FIGNL2: variants seen among roughly 807,000 people sequenced by gnomAD.
FIGNL2 encodes the protein fidgetin like 2, also known as fidgetin-like protein 2.
For synonymous variants in FIGNL2, 565 were observed against 484.0 expected (o/e 1.17, Z -2.20); for missense variants, 1,060 against 950.2 (o/e 1.12, Z -1.52).
Position 51,821,790 on chromosome 12 carries a change from C to A in FIGNL2, c.624G>T (p.Gly208=). ...CATAGCCGGGCTGCGCTGCGTAGCC[C>A]CCTGCGGGATAGTTGTACAGCGGCG... ...PSAPLYNYPA[G]GYAAQPGYGA... The change falls in exon 2 of 2, where the codon GGG becomes GGT. Residue 208 remains glycine (G), a synonymous_variant. Coordinates refer to ENST00000618634, the MANE Select transcript of FIGNL2 (RefSeq NM_001384995.1). 1 of 1,276,910 alleles carries A rather than the reference C, an allele frequency of 7.8e-7. No individual in the cohort carries two copies. Among genetic ancestry groups the A allele is most frequent in the Non-Finnish European group, 9.8e-7 (1 of 1,017,594 alleles). The allele number at this position is 1,276,910 out of a possible 1,614,324, so 79.1% of individuals were successfully genotyped here. A position where few individuals can be genotyped will look rare whatever the true frequency, so the allele number is the denominator to read the frequency against.
At chr12:51,827,799 T>C (rs1022947062) in intron 1 of FIGNL2, among the ~76,000 whole-genome samples, 1 of 152,192 alleles carries the variant, frequency 6.6e-6, no homozygotes, top group African/African-American at 2.4e-5. Context: ...AAGCACTGTG[T>C]ACAGAACCAG....
intron 1 of FIGNL2, chr12:51,848,270 G>A (rs1939795377): frequency 2.0e-6 from 2 of 985,030 alleles, no homozygotes; most frequent in Non-Finnish European, 2.4e-6. Flanking sequence ...CGCACCAGAG[G>A]GGGCTGCGAG....
chr12:51,827,001 TGCTTCCTGACAGACCCAG>T (rs1407611873), intron 1 of FIGNL2, among the ~76,000 whole-genome samples: 1 of 152,260 alleles, frequency 6.6e-6, no homozygotes, highest in Non-Finnish European at 1.5e-5. Context: ...CTCACTTAGA[TGCTTCCTGACAGACCCAG>T]GCCTGCCAGG....
At chr12:51,832,606 C>T (rs1031401931) in intron 1 of FIGNL2, among the ~76,000 whole-genome samples, 1 of 152,014 alleles carries the variant, frequency 6.6e-6, no homozygotes, top group African/African-American at 2.4e-5. Flanking sequence ...CCTTCTAAAC[C>T]CTGCAGACCT....
At chr12:51,843,190 C>T (rs1282210796) in intron 1 of FIGNL2, among the ~76,000 whole-genome samples, 1 of 151,904 alleles carries the variant, frequency 6.6e-6, no homozygotes, top group Non-Finnish European at 1.5e-5. Context: ...AGCTGAGGTT[C>T]ACCCAGAGCC....
At position 51,821,030 on chromosome 12, in the gene FIGNL2, C is replaced by T; in HGVS notation, c.1384G>A (p.Ala462Thr). Residue 462 changes from alanine (A) to threonine (T), a missense_variant, in exon 2 of 2, where the codon GCT becomes ACT. Ala to Thr is a moderately conservative substitution (Grantham distance 58, BLOSUM62 0). Coordinates refer to ENST00000618634, the MANE Select transcript of FIGNL2 (RefSeq NM_001384995.1). ...GCGCCCTCGGCGGCGCCGGGCGCAG[C>T]CAGGGTCGCGCCGCGCAGGCGCAAC... ...TLLRLRGATL[A>T]APGAAEGARL... The T allele has an allele frequency of 2.5e-6, 3 of 1,181,082 alleles. No homozygotes were observed. Among genetic ancestry groups the T allele is most frequent in the Non-Finnish European group, 3.1e-6 (3 of 957,378 alleles). The allele number at this position is 1,181,082 out of a possible 1,614,324, so 73.2% of individuals were successfully genotyped here.
Position 51,820,912 on chromosome 12 carries a change from T to G in FIGNL2, c.1502A>C (p.Asp501Ala). Residue 501 changes from aspartate (D) to alanine (A), a missense_variant, in exon 2 of 2, where the codon GAC (aspartate) becomes GCC (alanine). By Grantham distance (126) the Asp-to-Ala change is moderately radical. Coordinates refer to ENST00000618634, the MANE Select transcript of FIGNL2 (RefSeq NM_001384995.1). The stretch of plus-strand genomic sequence containing the variant: ...CGCGCCCCCTGCCGCCGCGCCGTCG[T>G]CCCGGGCGGGGAGCAGCGCCTCTAG... Reference protein sequence around the residue: ...SELEALLPARDDGAAAGGALQ... With the variant: ...SELEALLPARADGAAAGGALQ... 2.3e-6 allele frequency: 3 copies of G among 1,331,048 alleles called. No individual in the cohort carries two copies. The South Asian group carries it at 6.2e-5, about 27-fold the overall frequency. The allele number at this position is 1,331,048 out of a possible 1,614,324, so 82.5% of individuals were successfully genotyped here.
At chr12:51,847,806 G>A in intron 1 of FIGNL2, 1 of 985,314 alleles carries the variant, frequency 1.0e-6, no homozygotes, top group Non-Finnish European at 1.2e-6. Flanking sequence ...TAGAACAGGA[G>A]AGGGCTCTTG....
At chr12:51,829,060 G>T (rs955650240) in intron 1 of FIGNL2, among the ~76,000 whole-genome samples, 1 of 152,206 alleles carries the variant, frequency 6.6e-6, no homozygotes, top group Non-Finnish European at 1.5e-5. Flanking sequence ...CTGGGCTGGG[G>T]GCAGGGTAGG....
In FIGNL2 at chr12:51,821,166, G is replaced by A; in HGVS notation, c.1248C>T (p.Pro416=). ...EELVWPLLRP[P]AYPGSLRPPR... is the part of the protein sequence containing the mutation. The stretch of plus-strand genomic sequence containing the variant: ...GCGGGCGCAGGCTGCCCGGGTAGGC[G>A]GGCGGCCTGAGCAGGGGCCACACCA... The change falls in exon 2 of 2, where the codon CCC becomes CCT. Residue 416 remains proline (P), a synonymous_variant. Transcript: ENST00000618634. 6.8e-7 allele frequency: 1 copy of A among 1,478,504 alleles called. No homozygotes were observed. The highest frequency in any genetic ancestry group is 8.9e-7 in the Non-Finnish European group (1 of 1,125,208). The allele number at this position is 1,478,504 out of a possible 1,614,324, so 91.6% of individuals were successfully genotyped here.
chr12:51,820,276 C>T lies in FIGNL2; in HGVS notation c.*176G>A. On this transcript the variant is annotated 3_prime_UTR_variant, in exon 2 of 2. Coordinates refer to ENST00000618634, the MANE Select transcript of FIGNL2 (RefSeq NM_001384995.1). ...CACGGCGCATATGGCATCTGCCTGG[C>T]AGAAGCATTTTCCTTCCCACGAAAA... is the stretch of plus-strand genomic sequence containing the variant. 3.6e-6 allele frequency: 3 copies of T among 829,084 alleles called. No individual in the cohort carries two copies. The highest frequency in any genetic ancestry group is 5.4e-6 in the Non-Finnish European group (3 of 554,002). The allele number at this position is 829,084 out of a possible 1,614,324, so 51.4% of individuals were successfully genotyped here.
Position 51,820,603 on chromosome 12 carries a change from T to G in FIGNL2, c.1811A>C (p.Gln604Pro). 6.6e-7 allele frequency: 1 copy of G among 1,525,614 alleles called. No homozygotes were observed. The highest frequency in any genetic ancestry group is 1.2e-5 in the South Asian group (1 of 83,630). The allele number at this position is 1,525,614 out of a possible 1,614,324, so 94.5% of individuals were successfully genotyped here. A position where few individuals can be genotyped will look rare whatever the true frequency, so the allele number is the denominator to read the frequency against. The change falls in exon 2 of 2, where the codon CAG becomes CCG. Residue 604 changes from glutamine (Q) to proline (P), a missense_variant. Coordinates refer to ENST00000618634, the MANE Select transcript of FIGNL2 (RefSeq NM_001384995.1). ...SGGELGQLCQQAAAGAGLPGL... is the reference protein window; with the variant it reads ...SGGELGQLCQPAAAGAGLPGL... The stretch of plus-strand genomic sequence containing the variant: ...CGGGAGGCCCGCCCCGGCCGCCGCC[T>G]GCTGGCACAGCTGCCCCAGCTCGCC...
rs992221165 is a variant in FIGNL2, at chr12:51,819,174, G to C, written c.*1278C>G. On this transcript the variant is annotated 3_prime_UTR_variant, in exon 2 of 2. Transcript: ENST00000618634. The stretch of plus-strand genomic sequence containing the variant: ...AGGGCCAGGGGACATGACCTTTCTG[G>C]AGACTTTCTGCTTAGGTCACCTTCC... 2.6e-5 allele frequency: 4 copies of C among 152,284 alleles called. No homozygotes were observed. Among genetic ancestry groups the C allele is most frequent in the African/African-American group, 9.6e-5 (4 of 41,462 alleles). 9.4% of individuals were successfully genotyped at this position (152,284 alleles called of 1,614,324 possible). A position where few individuals can be genotyped will look rare whatever the true frequency, so the allele number is the denominator to read the frequency against.
chr12:51,836,197 G>A (rs1939576019), intron 1 of FIGNL2, among the ~76,000 whole-genome samples: 1 of 152,142 alleles, frequency 6.6e-6, no homozygotes, highest in Non-Finnish European at 1.5e-5. Context: ...GGATGGGCTA[G>A]CTGAGTCAAC....
At chr12:51,830,246 G>A (rs1278750321) in intron 1 of FIGNL2, among the ~76,000 whole-genome samples, 4 of 150,492 alleles carry the variant, frequency 2.7e-5, no homozygotes, top group African/African-American at 7.3e-5. Flanking sequence ...CTGAGATCGC[G>A]CCACTGCACT....
chr12:51,838,499 C>G (rs770529426), intron 1 of FIGNL2, among the ~76,000 whole-genome samples: 7 of 152,198 alleles, frequency 4.6e-5, no homozygotes, highest in Admixed American at 1.3e-4. Flanking sequence ...TGAGCCCACT[C>G]TAGCCAGCCC....
At chr12:51,824,979 G>A (rs1939307148) in intron 1 of FIGNL2, among the ~76,000 whole-genome samples, 1 of 152,230 alleles carries the variant, frequency 6.6e-6, no homozygotes, top group Middle Eastern at 3.4e-3. Flanking sequence ...GGGTGGCGGA[G>A]GTTACAGTGA....
In FIGNL2 at chr12:51,821,471, C is replaced by T. The variant is rs1939192231; in HGVS notation, c.943G>A (p.Gly315Arg). The T allele has an allele frequency of 6.5e-7, 1 of 1,545,914 alleles. No homozygotes were observed. Among genetic ancestry groups the T allele is most frequent in the Non-Finnish European group, 8.7e-7 (1 of 1,150,904 alleles). Residue 315 changes from glycine (G) to arginine (R), a missense_variant, in exon 2 of 2, where the codon GGA (glycine) becomes AGA (arginine). Coordinates refer to ENST00000618634, the MANE Select transcript of FIGNL2 (RefSeq NM_001384995.1). Reference sequence around the variant, plus strand: ...TTGCCCGACGCCTCCTCCGCGGCTCCTGGCGGCTTGGCCCGGAACCCGTTG... The same window carrying T: ...TTGCCCGACGCCTCCTCCGCGGCTCTTGGCGGCTTGGCCCGGAACCCGTTG... Reference protein sequence around the residue: ...RGNGFRAKPPGAAEEASGKYG... With the variant: ...RGNGFRAKPPRAAEEASGKYG...
At chr12:51,831,790 A>G (rs1378069617) in intron 1 of FIGNL2, 1 of 154,284 alleles carries the variant, frequency 6.5e-6, no homozygotes. Flanking sequence ...GGTCACTCTC[A>G]TCAGCTCGCA....
Sources: gnomAD v4.1 joint callset for allele counts (sites outside exome capture counted in the v4.1 genomes callset) on GRCh38, gnomAD v4.1.1 for gene constraint, MANE v1.5 for transcripts, NCBI Gene and HGNC (gene_info 2026-07-23, HGNC 2026-07-21) for gene names.